BICC1: variants seen among roughly 807,000 people sequenced by gnomAD.
BICC1 encodes protein bicaudal C homolog 1.
BICC1 carries 43 observed loss-of-function variants against 111.0 expected under a neutral mutation model. The ratio of observed to expected loss-of-function variants is 0.39; its 90% CI spans 0.30 to 0.50. The LOEUF (loss-of-function observed/expected upper bound fraction) is 0.50. Ranked by LOEUF, BICC1 falls within the 20% of genes least tolerant of loss-of-function variation. The probability of loss-of-function intolerance (pLI) is 0.88; values close to 1 mark genes in which losing one functional copy is unlikely to be tolerated. For synonymous variants in BICC1, 467 were observed against 434.4 expected (o/e 1.07, Z -0.93); for missense variants, 1,091 against 1,203.2 (o/e 0.91, Z 1.38).
rs538036743 is a variant in BICC1 at position 58,681,966 on chromosome 10, G to T, written c.238-20108G>T. ...TGTGGCATATTGGTGTGCTGCACCC[G>T]TTAACTCATCATTTACATTAGGTAT... On this transcript the variant is annotated intron_variant, in intron 2 of 20. Transcript: ENST00000373886. Among the ~76,000 whole-genome samples, 4 of 151,688 alleles carry T rather than the reference G, an allele frequency of 2.6e-5. No homozygotes were observed. In the South Asian group the frequency reaches 8.3e-4, roughly 32 times the overall value.
chr10:58,803,083 T>C lies in BICC1; in HGVS notation c.2022T>C (p.Thr674=). 6.3e-7 allele frequency: 1 copy of C among 1,597,968 alleles called. No homozygotes were observed. The highest frequency in any genetic ancestry group is 8.5e-7 in the Non-Finnish European group (1 of 1,172,472). Residue 674 remains threonine (T), a synonymous_variant, in exon 15 of 21, where the codon ACT becomes ACC. Transcript: ENST00000373886. ...CCACACTCTTATTTCACAGCAGCAC[T>C]GACAGGTTGCTCTCAGACCCTGAAC... is the stretch of plus-strand genomic sequence containing the variant. ...QGTKNSHLHS[T]DRLLSDPELS...
chr10:58,670,942 A>G (rs1839165773), intron 2 of BICC1, among the ~76,000 whole-genome samples: 2 of 152,196 alleles, frequency 1.3e-5, no homozygotes, highest in African/African-American at 4.8e-5. Context: ...GCCTCACCCC[A>G]TAGAGCAGGC....
intron 3 of BICC1, among the ~76,000 whole-genome samples, chr10:58,756,411 C>A (rs567365147): frequency 5.2e-4 from 79 of 152,218 alleles, no homozygotes; most frequent in Non-Finnish European, 9.0e-4. Flanking sequence ...GCCTTTGCCT[C>A]CCAAAGGTTT....
At chr10:58,761,618 G>T (rs1020931704) in intron 3 of BICC1, among the ~76,000 whole-genome samples, 1 of 152,180 alleles carries the variant, frequency 6.6e-6, no homozygotes, top group African/African-American at 2.4e-5. Context: ...TTGCGTCCCT[G>T]AAGATGTGTT....
intron 3 of BICC1, among the ~76,000 whole-genome samples, chr10:58,753,565 TC>T (rs980462062): frequency 7.9e-5 from 12 of 152,150 alleles, no homozygotes; most frequent in African/African-American, 2.9e-4. Flanking sequence ...GAGTCAGTTT[TC>T]CCAGCATCAG....
intron 3 of BICC1, among the ~76,000 whole-genome samples, chr10:58,767,391 A>T (rs534442871): frequency 1.3e-5 from 2 of 152,192 alleles, no homozygotes; most frequent in African/African-American, 4.8e-5. Context: ...GAAAATATCG[A>T]GAGTGCCTCA....
intron 2 of BICC1, among the ~76,000 whole-genome samples, chr10:58,680,469 A>C (rs1839483380): frequency 6.6e-6 from 1 of 152,262 alleles, no homozygotes; most frequent in South Asian, 2.1e-4. Flanking sequence ...ACTTACAAGG[A>C]ATGTGAAGGA....
rs1273870183 is a variant in BICC1 at position 58,525,312 on chromosome 10, C to T, written c.190+11979C>T. ...ACAATAGCAAAGACTTGGAACCAAC[C>T]CAAATGTCCATCAATGATAGACTGA... On this transcript the variant is annotated intron_variant, in intron 1 of 20. Coordinates refer to ENST00000373886, the MANE Select transcript of BICC1 (RefSeq NM_001080512.3). Among the ~76,000 whole-genome samples, 227 of 116,210 alleles carry T rather than the reference C, an allele frequency of 2.0e-3. 31 individuals are homozygous for T. The highest frequency in any genetic ancestry group is 3.9e-3 in the Middle Eastern group (1 of 254). The allele number at this position is 116,210 out of a possible 152,430, so 76.2% of individuals were successfully genotyped here. A position where few individuals can be genotyped will look rare whatever the true frequency, so the allele number is the denominator to read the frequency against.
intron 3 of BICC1, among the ~76,000 whole-genome samples, chr10:58,710,401 A>G (rs1415339670): frequency 6.6e-6 from 1 of 152,204 alleles, no homozygotes; most frequent in Non-Finnish European, 1.5e-5. Flanking sequence ...GATGATGCTC[A>G]GTCCAGTTTC....
intron 3 of BICC1, among the ~76,000 whole-genome samples, chr10:58,737,794 G>A (rs9416735): frequency 1 from 151,926 of 152,310 alleles, 75,772 homozygotes; most frequent in Middle Eastern, 1. Flanking sequence ...CTGGTGTAAG[G>A]TGGTATCTCA....
At position 58,789,400 on chromosome 10, in the gene BICC1, A is replaced by G; in HGVS notation, c.739A>G (p.Met247Val). 1 of 1,614,110 alleles carries G rather than the reference A, an allele frequency of 6.2e-7. No individual in the cohort carries two copies. Among genetic ancestry groups the G allele is most frequent in the Non-Finnish European group, 8.5e-7 (1 of 1,179,990 alleles). Residue 247 changes from methionine (M) to valine (V), a missense_variant, in exon 7 of 21, where the codon ATG becomes GTG. Transcript: ENST00000373886. ...ISVSFKQRSRMYGATVIVRGS... is the reference protein window; with the variant it reads ...ISVSFKQRSRVYGATVIVRGS... The stretch of plus-strand genomic sequence containing the variant: ...AGTATCATTTAAACAGCGTTCCCGA[A>G]TGTATGGTGCTACTGTCATAGTACG...
intron 3 of BICC1, among the ~76,000 whole-genome samples, chr10:58,756,465 G>C (rs1842146942): frequency 6.6e-6 from 1 of 152,094 alleles, no homozygotes; most frequent in Admixed American, 6.6e-5. Context: ...CTTATATTTA[G>C]GACCAGTTTA....
chr10:58,542,040 A>G (rs777993205), intron 1 of BICC1, among the ~76,000 whole-genome samples: 7 of 151,284 alleles, frequency 4.6e-5, no homozygotes, highest in Non-Finnish European at 8.8e-5. Context: ...GGTCCTAGCT[A>G]ATCTGGAGGC....
intron 1 of BICC1, among the ~76,000 whole-genome samples, chr10:58,605,168 G>A (rs1048344935): frequency 6.6e-6 from 1 of 152,114 alleles, no homozygotes. Flanking sequence ...TGTGGTGTGA[G>A]TACTAAGCTA....
At chr10:58,664,029 A>G (rs1296168547) in intron 2 of BICC1, among the ~76,000 whole-genome samples, 1 of 152,206 alleles carries the variant, frequency 6.6e-6, no homozygotes, top group African/African-American at 2.4e-5. Flanking sequence ...TGTAAAATGC[A>G]CATAGAGGTC....
rs143624613 is a variant in BICC1 at position 58,733,889 on chromosome 10, A to G, written c.307+31746A>G. ...CTATGAATGTTGTCCTGGGTCAGCC[A>G]GTTACTAGTTGTAATTTGAAATTAT... On this transcript the variant is annotated intron_variant, in intron 3 of 20. Transcript: ENST00000373886. Among the ~76,000 whole-genome samples the G allele has an allele frequency of 2.7e-3, 408 of 152,340 alleles. 7 individuals are homozygous for G. The highest frequency in any genetic ancestry group is 9.2e-3 in the African/African-American group (381 of 41,580).
At chr10:58,739,288 T>A (rs540466718) in intron 3 of BICC1, among the ~76,000 whole-genome samples, 1 of 152,210 alleles carries the variant, frequency 6.6e-6, no homozygotes, top group Non-Finnish European at 1.5e-5. Flanking sequence ...GTTTTTATCA[T>A]GAAGGGCTGT....
At chr10:58,599,107 A>G (rs777408006) in intron 1 of BICC1, among the ~76,000 whole-genome samples, 4 of 152,282 alleles carry the variant, frequency 2.6e-5, no homozygotes, top group Middle Eastern at 3.4e-3. Context: ...CCTCAAGGAT[A>G]TAGAACCAGA....
intron 14 of BICC1, 113 bp downstream of exon 14, chr10:58,801,159 T>A: frequency 2.1e-6 from 2 of 937,278 alleles, no homozygotes; most frequent in Non-Finnish European, 1.4e-6. Context: ...CATCCATGGG[T>A]GTTTTCATTT....
Sources: gnomAD v4.1 joint callset for allele counts (sites outside exome capture counted in the v4.1 genomes callset) on GRCh38, gnomAD v4.1.1 for gene constraint, MANE v1.5 for transcripts, NCBI Gene and HGNC (gene_info 2026-07-23, HGNC 2026-07-21) for gene names.